The following RIMBP2 variants were observed in gnomAD, a reference collection of about 807,000 sequenced individuals.
The protein encoded by RIMBP2 is RIMS-binding protein 2.
In RIMBP2, 48 loss-of-function variants were observed where a neutral mutation model predicts 118.6. The ratio of observed to expected loss-of-function variants is 0.40; its 90% CI spans 0.32 to 0.51. The LOEUF (loss-of-function observed/expected upper bound fraction) is 0.51. RIMBP2 is among the 20% of genes least tolerant of loss of function. The pLI is 0.41. For synonymous variants in RIMBP2, 762 were observed against 742.9 expected (o/e 1.03, Z -0.42); for missense variants, 1,551 against 1,768.3 (o/e 0.88, Z 2.20).
chr12:130,414,365 C>T lies in RIMBP2; in HGVS notation c.3239-59G>A, dbSNP rs567640747. ...AGTGAGCCTAACTGAGGAGCGTGCA[C>T]GGGAAATGCAGCTTTGGAAAGCAGT... is the stretch of plus-strand genomic sequence containing the variant. On this transcript the variant is annotated intron_variant, in intron 17 of 22. Coordinates refer to ENST00000690449, the MANE Select transcript of RIMBP2 (RefSeq NM_001393629.1). 174 of 1,488,592 alleles carry T rather than the reference C, an allele frequency of 1.2e-4. No individual in the cohort carries two copies. The African/African-American group carries it at 1.6e-3, about 14-fold the overall frequency. The allele number at this position is 1,488,592 out of a possible 1,614,324, so 92.2% of individuals were successfully genotyped here. A position where few individuals can be genotyped will look rare whatever the true frequency, so the allele number is the denominator to read the frequency against.
At chr12:130,501,319 C>A (rs762206658) in intron 4 of RIMBP2, among the ~76,000 whole-genome samples, 1 of 152,138 alleles carries the variant, frequency 6.6e-6, no homozygotes, top group Middle Eastern at 3.2e-3. Flanking sequence ...TGGAGTGACC[C>A]TCTACAAACC....
chr12:130,438,212 G>C (rs1472046044), intron 12 of RIMBP2, among the ~76,000 whole-genome samples, 153 bp downstream of exon 12: 1 of 152,130 alleles, frequency 6.6e-6, no homozygotes, highest in African/African-American at 2.4e-5. Flanking sequence ...GGGGTCCTGG[G>C]GTTCACGCTG....
chr12:130,445,313 A>G (rs1268247361), intron 9 of RIMBP2, 44 bp from the exon 10 acceptor site: 2 of 1,410,112 alleles, frequency 1.4e-6, no homozygotes, highest in Non-Finnish European at 2.0e-6. Flanking sequence ...TCTGGAGGAC[A>G]CAGCCCGCAC....
At chr12:130,568,601 T>A (rs1022549855) in intron 2 of RIMBP2, among the ~76,000 whole-genome samples, 3 of 152,216 alleles carry the variant, frequency 2.0e-5, no homozygotes, top group African/African-American at 7.2e-5. Context: ...GAGACTCCAG[T>A]GGCAATGAAA....
At chr12:130,557,822 G>A (rs189365794) in intron 2 of RIMBP2, among the ~76,000 whole-genome samples, 21 of 152,172 alleles carry the variant, frequency 1.4e-4, no homozygotes, top group South Asian at 6.2e-4. Context: ...TCGATGCCCC[G>A]CCTTCATCTA....
chr12:130,409,169 G>A (rs552020072), intron 19 of RIMBP2, among the ~76,000 whole-genome samples: 7 of 152,118 alleles, frequency 4.6e-5, no homozygotes, highest in Admixed American at 1.3e-4. Context: ...AGTACTTTAC[G>A]TTGTGATAAG....
intron 1 of RIMBP2, among the ~76,000 whole-genome samples, chr12:130,694,290 A>G (rs888073462): frequency 3.9e-5 from 6 of 152,102 alleles, no homozygotes; most frequent in African/African-American, 1.4e-4. Context: ...TTGAACATCA[A>G]CTCAGCACTT....
intron 1 of RIMBP2, among the ~76,000 whole-genome samples, chr12:130,697,222 C>T (rs1364569082): frequency 5.9e-5 from 9 of 152,290 alleles, no homozygotes; most frequent in Non-Finnish European, 1.2e-4. Flanking sequence ...GAATTCCAGA[C>T]CCAAGAAGTA....
intron 2 of RIMBP2, among the ~76,000 whole-genome samples, chr12:130,575,116 C>T (rs1216367337): frequency 2.1e-4 from 3 of 14,628 alleles, no homozygotes; most frequent in South Asian, 3.7e-3. Context: ...CAGAATCACA[C>T]CCCCCACCCC....
chr12:130,515,005 T>C (rs11613778), intron 3 of RIMBP2, among the ~76,000 whole-genome samples: 25,164 of 151,766 alleles, frequency 0.17, 2,392 homozygotes, highest in Middle Eastern at 0.26. Context: ...GCCTCCAGAG[T>C]AGCTGGGACT....
chr12:130,694,741 A>G (rs2065490100), intron 1 of RIMBP2, among the ~76,000 whole-genome samples: 1 of 152,252 alleles, frequency 6.6e-6, no homozygotes, highest in Non-Finnish European at 1.5e-5. Flanking sequence ...AGACACTGAC[A>G]AAAGTGATTA....
intron 1 of RIMBP2, among the ~76,000 whole-genome samples, chr12:130,639,844 C>A (rs1335577087): frequency 6.6e-6 from 1 of 152,130 alleles, no homozygotes; most frequent in African/African-American, 2.4e-5. Flanking sequence ...GAGATGAAAA[C>A]CTCCCCCAGG....
chr12:130,526,648 C>G (rs922303415), intron 2 of RIMBP2, among the ~76,000 whole-genome samples: 1 of 152,088 alleles, frequency 6.6e-6, no homozygotes, highest in Non-Finnish European at 1.5e-5. Context: ...ATTTTATAAC[C>G]AGTTTTATCT....
chr12:130,547,357 G>A (rs558008127), intron 2 of RIMBP2, among the ~76,000 whole-genome samples: 7 of 152,278 alleles, frequency 4.6e-5, no homozygotes, highest in East Asian at 3.9e-4. Context: ...ACAGTTGTGC[G>A]GATTGTTTAG....
intron 2 of RIMBP2, among the ~76,000 whole-genome samples, chr12:130,613,813 CAAAA>C (rs376443531): frequency 9.5e-6 from 1 of 105,072 alleles, no homozygotes; most frequent in Non-Finnish European, 1.9e-5. Flanking sequence ...GACTCTGTCT[CAAAA>C]AAAAAAAAAA....
At chr12:130,415,121 T>C (rs1462897230) in intron 17 of RIMBP2, among the ~76,000 whole-genome samples, 1 of 152,040 alleles carries the variant, frequency 6.6e-6, no homozygotes, top group Admixed American at 6.6e-5. Context: ...CAGGCTAATA[T>C]CCCTGATGAA....
At chr12:130,414,390 TG>T in intron 17 of RIMBP2, 84 bp from the exon 18 acceptor site, 1 of 1,360,238 alleles carries the variant, frequency 7.4e-7, no homozygotes, top group Non-Finnish European at 1.0e-6. Context: ...TGGAAAGCAG[TG>T]AGGATGGCAG....
In RIMBP2 at chr12:130,627,268, G is replaced by A. The variant is rs559784471; in HGVS notation, c.-217+1054C>T. Among the ~76,000 whole-genome samples the A allele has an allele frequency of 5.9e-5, 9 of 152,354 alleles. No homozygotes were observed. In the South Asian group the frequency reaches 1.2e-3, roughly 21 times the overall value. ...GTCCAGCTGATTCATCTTCTGCTGC[G>A]CGATCAAATGCAGGTGGAACAGTCA... On this transcript the variant is annotated intron_variant, in intron 2 of 22. Coordinates refer to ENST00000690449, the MANE Select transcript of RIMBP2 (RefSeq NM_001393629.1).
At chr12:130,624,192 C>T (rs2061487886) in intron 2 of RIMBP2, among the ~76,000 whole-genome samples, 1 of 152,176 alleles carries the variant, frequency 6.6e-6, no homozygotes, top group African/African-American at 2.4e-5. Context: ...ATGGAAAATA[C>T]TAATCTGCAG....
Sources: gnomAD v4.1 joint callset for allele counts (sites outside exome capture counted in the v4.1 genomes callset) on GRCh38, gnomAD v4.1.1 for gene constraint, MANE v1.5 for transcripts, NCBI Gene and HGNC (gene_info 2026-07-23, HGNC 2026-07-21) for gene names.